Variants in CBFA2T2 observed in about 807,000 individuals in gnomAD.
The protein encoded by CBFA2T2 is protein CBFA2T2.
Under a neutral mutation model 62.2 loss-of-function variants are expected in CBFA2T2, and 11 were observed. That is an observed-to-expected ratio of 0.18 (90% CI 0.11 to 0.29). The LOEUF (loss-of-function observed/expected upper bound fraction) is 0.29. Among genes scored for constraint, CBFA2T2 ranks in the 10% least tolerant of loss-of-function variants. CBFA2T2 has a pLI of 1.00. For missense variants in CBFA2T2, 592 were observed against 774.1 expected, an observed-to-expected ratio of 0.76 and a Z score of 2.79; for synonymous variants, 295 against 287.5, an observed-to-expected ratio of 1.03 and a Z score of -0.27.
rs1396791910 is a variant in CBFA2T2 at position 33,612,124 on chromosome 20, C to G, written c.420+789C>G. 1.3e-5 allele frequency among the ~76,000 whole-genome samples: 2 copies of G among 152,198 alleles called. 1 individual carries two copies. Among genetic ancestry groups the G allele is most frequent in the East Asian group, 3.9e-4 (2 of 5,194 alleles). ...ATCAAAGGGATTGCATTGTTCAGCTCCTCGTGCATATAAACTTGCTTAAGA... is the reference window on the plus strand; with the variant it reads ...ATCAAAGGGATTGCATTGTTCAGCTGCTCGTGCATATAAACTTGCTTAAGA... On this transcript the variant is annotated intron_variant, in intron 3 of 10. Coordinates refer to ENST00000342704, the MANE Select transcript of CBFA2T2 (RefSeq NM_001032999.3).
intron 1 of CBFA2T2, among the ~76,000 whole-genome samples, chr20:33,519,585 G>A (rs951482395): frequency 6.6e-6 from 1 of 152,098 alleles, no homozygotes; most frequent in African/African-American, 2.4e-5. Context: ...GTATCCACAC[G>A]GATTCCTTGC....
intron 1 of CBFA2T2, among the ~76,000 whole-genome samples, chr20:33,492,281 A>G (rs888560630): frequency 6.6e-6 from 1 of 151,972 alleles, no homozygotes; most frequent in African/African-American, 2.4e-5. Flanking sequence ...AGCCTCCCAA[A>G]GTGCTGGGAT....
intron 1 of CBFA2T2, among the ~76,000 whole-genome samples, chr20:33,568,682 A>G (rs1179418178): frequency 6.6e-6 from 1 of 152,124 alleles, no homozygotes; most frequent in Admixed American, 6.5e-5. Flanking sequence ...GTAGGAAATT[A>G]GCATTAAAAA....
At chr20:33,516,463 C>T (rs1316774146) in intron 1 of CBFA2T2, among the ~76,000 whole-genome samples, 1 of 152,112 alleles carries the variant, frequency 6.6e-6, no homozygotes, top group Non-Finnish European at 1.5e-5. Flanking sequence ...GAGTGAGACT[C>T]CATCTTAAAA....
intron 3 of CBFA2T2, among the ~76,000 whole-genome samples, chr20:33,611,826 C>T (rs115205477): frequency 0.014 from 2,156 of 152,194 alleles, 48 homozygotes; most frequent in African/African-American, 0.049. Flanking sequence ...TATGTCAGTG[C>T]TTATCAAAGA....
intron 1 of CBFA2T2, among the ~76,000 whole-genome samples, chr20:33,498,333 C>G (rs534216378): frequency 1.3e-5 from 2 of 151,266 alleles, no homozygotes; most frequent in African/African-American, 4.8e-5. Flanking sequence ...CTCACTGCAA[C>G]CTCCGCCTCC....
chr20:33,496,792 T>C (rs1458343696), intron 1 of CBFA2T2, among the ~76,000 whole-genome samples: 2 of 152,160 alleles, frequency 1.3e-5, no homozygotes, highest in African/African-American at 4.8e-5. Flanking sequence ...TTTTGTTTGC[T>C]CTTCTAGGTC....
chr20:33,607,180 ATATAT>A, intron 2 of CBFA2T2, 81 bp downstream of exon 2: 3 of 1,319,732 alleles, frequency 2.3e-6, no homozygotes, highest in Admixed American at 2.1e-5. Flanking sequence ...AGCGTTCCAC[ATATAT>A]TATTCAGTGT....
intron 3 of CBFA2T2, among the ~76,000 whole-genome samples, chr20:33,616,377 A>G (rs770845836): frequency 1.2e-4 from 18 of 152,126 alleles, no homozygotes; most frequent in Non-Finnish European, 2.5e-4. Context: ...GTATTTCTGT[A>G]TTTTGGTCAG....
chr20:33,499,742 T>C (rs2011247396), intron 1 of CBFA2T2, among the ~76,000 whole-genome samples: 1 of 152,184 alleles, frequency 6.6e-6, no homozygotes, highest in South Asian at 2.1e-4. Context: ...CATTTAATTA[T>C]AGATCAAACT....
At chr20:33,570,304 A>G (rs2013501341) in intron 1 of CBFA2T2, among the ~76,000 whole-genome samples, 1 of 152,142 alleles carries the variant, frequency 6.6e-6, no homozygotes, top group South Asian at 2.1e-4. Flanking sequence ...ACAAAAAAAG[A>G]TACTAGAATT....
At chr20:33,606,882 T>C in intron 1 of CBFA2T2, 74 bp from the exon 2 acceptor site, 1 of 1,440,890 alleles carries the variant, frequency 6.9e-7, no homozygotes, top group Middle Eastern at 1.8e-4. Context: ...GGAAGTATGT[T>C]GGTATTTCAA....
intron 1 of CBFA2T2, among the ~76,000 whole-genome samples, chr20:33,493,982 C>T (rs1335408123): frequency 6.6e-6 from 1 of 150,884 alleles, no homozygotes; most frequent in Non-Finnish European, 1.5e-5. Flanking sequence ...CTCCTGAATT[C>T]AAGTGATTGT....
At position 33,545,020 on chromosome 20, in the gene CBFA2T2, C is replaced by CAGAACAGAAT. The variant is rs1555833677; in HGVS notation, c.34+54723_34+54724insCAGAATAGAA. Among the ~76,000 whole-genome samples, 137 of 143,918 alleles carry CAGAACAGAAT rather than the reference C, an allele frequency of 9.5e-4. 2 individuals carry two copies. Among genetic ancestry groups the CAGAACAGAAT allele is most frequent in the African/African-American group, 1.7e-3 (65 of 37,884 alleles). The allele number at this position is 143,918 out of a possible 152,430, so 94.4% of individuals were successfully genotyped here. On this transcript the variant is annotated intron_variant, in intron 1 of 10. Transcript: ENST00000342704. ...TAGAATAGAATAGAATAGAACAGAA[C>CAGAACAGAAT]AGAATGCAAGGTAGACAGGCAGTCC...
intron 1 of CBFA2T2, chr20:33,574,226 T>G (rs767595401): frequency 1.2e-6 from 2 of 1,613,640 alleles, no homozygotes; most frequent in Non-Finnish European, 1.7e-6. Context: ...GGAATAAGCT[T>G]GAAAGAAATA....
intron 1 of CBFA2T2, among the ~76,000 whole-genome samples, chr20:33,510,336 G>A (rs932605648): frequency 2.0e-5 from 3 of 151,100 alleles, no homozygotes; most frequent in South Asian, 2.1e-4. Flanking sequence ...TCAGCCTCCC[G>A]AGTAGCTGGG....
chr20:33,626,680 G>T (rs988930400), intron 6 of CBFA2T2, among the ~76,000 whole-genome samples: 6 of 152,156 alleles, frequency 3.9e-5, no homozygotes, highest in African/African-American at 2.4e-5. Flanking sequence ...TGTATACCTT[G>T]TTGAGTAAAA....
chr20:33,528,952 G>T (rs1300186458), intron 1 of CBFA2T2, among the ~76,000 whole-genome samples: 1 of 152,230 alleles, frequency 6.6e-6, no homozygotes, highest in African/African-American at 2.4e-5. Context: ...ATTGGCTGGT[G>T]TGAGGAAGTG....
chr20:33,628,981 T>G (rs1202504122), intron 7 of CBFA2T2, among the ~76,000 whole-genome samples: 1 of 152,214 alleles, frequency 6.6e-6, no homozygotes, highest in African/African-American at 2.4e-5. Context: ...AACAAAGGTT[T>G]GTAGCCAGGT....
Sources: gnomAD v4.1 joint callset for allele counts (sites outside exome capture counted in the v4.1 genomes callset) on GRCh38, gnomAD v4.1.1 for gene constraint, MANE v1.5 for transcripts, NCBI Gene and HGNC (gene_info 2026-07-23, HGNC 2026-07-21) for gene names.